The following PAK5 variants were observed in gnomAD, a reference collection of about 807,000 sequenced individuals.
PAK5 encodes the protein serine/threonine-protein kinase PAK 5.
In PAK5, 16 loss-of-function variants were observed where a neutral mutation model predicts 65.9. The ratio of observed to expected loss-of-function variants is 0.24; its 90% CI spans 0.16 to 0.37. The LOEUF is 0.37. Ranked by LOEUF, PAK5 falls within the 10% of genes least tolerant of loss-of-function variation. PAK5 has a pLI of 1.00. For synonymous variants in PAK5, 371 were observed against 354.9 expected, an observed-to-expected ratio of 1.05 and a Z score of -0.51; for missense variants, 785 against 903.9, an observed-to-expected ratio of 0.87 and a Z score of 1.69.
intron 1 of PAK5, among the ~76,000 whole-genome samples, chr20:9,830,622 G>T (rs1978636697): frequency 6.6e-6 from 1 of 152,018 alleles, no homozygotes; most frequent in African/African-American, 2.4e-5. Context: ...ACCTTTCTAG[G>T]ATTTTCTCTT....
At chr20:9,713,548 T>C (rs1173316695) in intron 1 of PAK5, among the ~76,000 whole-genome samples, 1 of 152,038 alleles carries the variant, frequency 6.6e-6, no homozygotes, top group Admixed American at 6.6e-5. Context: ...ATGTATTGAA[T>C]AGATATCTCC....
intron 3 of PAK5, among the ~76,000 whole-genome samples, chr20:9,590,968 T>G (rs964786375): frequency 3.3e-5 from 5 of 152,310 alleles, no homozygotes; most frequent in African/African-American, 1.2e-4. Flanking sequence ...TCCTCCCTCA[T>G]GCCCTGTCCT....
intron 7 of PAK5, among the ~76,000 whole-genome samples, chr20:9,556,291 T>C (rs545976277): frequency 2.8e-4 from 43 of 152,350 alleles, no homozygotes; most frequent in Admixed American, 1.4e-3. Context: ...GAAAAATCGG[T>C]AATGGGATTA....
intron 1 of PAK5, among the ~76,000 whole-genome samples, chr20:9,757,870 C>T (rs566150894): frequency 1.3e-5 from 2 of 152,300 alleles, no homozygotes; most frequent in South Asian, 2.1e-4. Flanking sequence ...TGCATCCACT[C>T]TTTATTATCT....
chr20:9,601,281 A>C (rs2123106839), intron 3 of PAK5, among the ~76,000 whole-genome samples: 1 of 152,342 alleles, frequency 6.6e-6, no homozygotes, highest in South Asian at 2.1e-4. Flanking sequence ...AGAGGAAAGC[A>C]AGCAGAATTT....
intron 2 of PAK5, among the ~76,000 whole-genome samples, chr20:9,674,513 A>G (rs541783940): frequency 3.9e-5 from 6 of 152,286 alleles, no homozygotes; most frequent in African/African-American, 1.4e-4. Context: ...TTTCTTTGAC[A>G]TTGGAATCTT....
At chr20:9,731,124 T>G (rs2048331395) in intron 1 of PAK5, among the ~76,000 whole-genome samples, 1 of 152,202 alleles carries the variant, frequency 6.6e-6, no homozygotes, top group Non-Finnish European at 1.5e-5. Flanking sequence ...AGTATCACTG[T>G]CTAATAGAAA....
At position 9,539,476 on chromosome 20, in the gene PAK5, A is replaced by G; in HGVS notation, c.2146T>C (p.Tyr716His). ...GAATCCTCTGCTCAGTGATGCCTGTATTGTCTCATGAGGGGGACGATGCAA... is the reference window on the plus strand; with the variant it reads ...GAATCCTCTGCTCAGTGATGCCTGTGTTGTCTCATGAGGGGGACGATGCAA... Reference protein sequence around the residue: ...PSCIVPLMRQYRHH With the variant: ...PSCIVPLMRQHRHH The change falls in exon 10 of 10, where the codon TAC (tyrosine) becomes CAC (histidine). Residue 716 changes from tyrosine (Y) to histidine (H), a missense_variant. Physicochemically the swap from Tyr to His is moderately conservative, Grantham distance 83. Coordinates refer to ENST00000353224, the MANE Select transcript of PAK5 (RefSeq NM_177990.4). 6.2e-7 allele frequency: 1 copy of G among 1,614,010 alleles called. No individual in the cohort carries two copies. The highest frequency in any genetic ancestry group is 8.5e-7 in the Non-Finnish European group (1 of 1,179,938).
At chr20:9,830,472 A>T (rs1978623894) in intron 1 of PAK5, among the ~76,000 whole-genome samples, 1 of 152,216 alleles carries the variant, frequency 6.6e-6, no homozygotes, top group Admixed American at 6.5e-5. Context: ...GCTGGTATTC[A>T]TGGTGAACTA....
intron 7 of PAK5, among the ~76,000 whole-genome samples, chr20:9,551,310 G>A (rs757728081): frequency 6.6e-5 from 10 of 152,120 alleles, no homozygotes; most frequent in African/African-American, 2.2e-4. Flanking sequence ...AACCACCTTC[G>A]TCTCACTAAT....
rs141300446 is a variant in PAK5, at chr20:9,604,675, T to A, written c.205-23745A>T. Reference sequence around the variant, plus strand: ...CTAATGACTCCTCCTGCTTTGTGAGTCCCTCCAGCTTGATCTGCTTTGTCC... The same window carrying A: ...CTAATGACTCCTCCTGCTTTGTGAGACCCTCCAGCTTGATCTGCTTTGTCC... On this transcript the variant is annotated intron_variant, in intron 3 of 9. Coordinates refer to ENST00000353224, the MANE Select transcript of PAK5 (RefSeq NM_177990.4). Among the ~76,000 whole-genome samples the A allele has an allele frequency of 6.3e-3, 965 of 152,276 alleles. 18 individuals are homozygous for A. The highest frequency in any genetic ancestry group is 0.022 in the African/African-American group (915 of 41,554).
chr20:9,799,257 G>A (rs1342600098), intron 1 of PAK5, among the ~76,000 whole-genome samples: 1 of 152,158 alleles, frequency 6.6e-6, no homozygotes, highest in Non-Finnish European at 1.5e-5. Flanking sequence ...GAGGCCCACT[G>A]TAATGTATGC....
intron 5 of PAK5, among the ~76,000 whole-genome samples, chr20:9,565,628 A>G (rs973423631): frequency 2.0e-5 from 3 of 152,216 alleles, no homozygotes; most frequent in African/African-American, 7.2e-5. Flanking sequence ...TGGTGATAAC[A>G]TCTTTCTATC....
chr20:9,810,181 A>G (rs1006534088), intron 1 of PAK5, among the ~76,000 whole-genome samples: 3 of 152,158 alleles, frequency 2.0e-5, no homozygotes, highest in African/African-American at 7.2e-5. Context: ...TAAAACCAGA[A>G]TCACATGGAA....
intron 2 of PAK5, among the ~76,000 whole-genome samples, chr20:9,667,104 C>T (rs1194827002): frequency 6.6e-6 from 1 of 152,118 alleles, no homozygotes. Flanking sequence ...TGGTGAAACC[C>T]TATCTCTATT....
At chr20:9,771,939 G>A (rs555191654) in intron 1 of PAK5, among the ~76,000 whole-genome samples, 1 of 152,254 alleles carries the variant, frequency 6.6e-6, no homozygotes, top group South Asian at 2.1e-4. Flanking sequence ...TCAGGAGGCT[G>A]AGGTGGGAGG....
intron 1 of PAK5, among the ~76,000 whole-genome samples, chr20:9,824,435 T>C (rs561074412): frequency 6.6e-6 from 1 of 152,248 alleles, no homozygotes; most frequent in African/African-American, 2.4e-5. Flanking sequence ...TAGAGAAGAA[T>C]TGGCAGGACT....
At chr20:9,821,620 T>C (rs568282592) in intron 1 of PAK5, among the ~76,000 whole-genome samples, 31 of 152,290 alleles carry the variant, frequency 2.0e-4, no homozygotes, top group African/African-American at 7.2e-4. Flanking sequence ...CCTGGGTTAT[T>C]TTTGAGATCC....
intron 3 of PAK5, among the ~76,000 whole-genome samples, chr20:9,599,701 T>C (rs139199850): frequency 6.6e-6 from 1 of 152,284 alleles, no homozygotes; most frequent in Non-Finnish European, 1.5e-5. Context: ...TGAGTTGGGC[T>C]GTTTCTTTTT....
Sources: gnomAD v4.1 joint callset for allele counts (sites outside exome capture counted in the v4.1 genomes callset) on GRCh38, gnomAD v4.1.1 for gene constraint, MANE v1.5 for transcripts, NCBI Gene and HGNC (gene_info 2026-07-23, HGNC 2026-07-21) for gene names.